Variants in PRKCA observed in about 807,000 individuals in gnomAD.
The protein encoded by PRKCA is protein kinase C alpha type.
A neutral mutation model predicts 87.0 loss-of-function variants in PRKCA; 27 were observed. The ratio of observed to expected loss-of-function variants is 0.31; its 90% CI spans 0.23 to 0.43. The LOEUF (loss-of-function observed/expected upper bound fraction) is 0.43. Ranked by LOEUF, PRKCA falls within the 20% of genes least tolerant of loss-of-function variation. PRKCA has a pLI of 1.00. For synonymous variants in PRKCA, 329 were observed against 311.1 expected (o/e 1.06, Z -0.61); for missense variants, 518 against 852.3 (o/e 0.61, Z 4.88).
At chr17:66,410,996 T>C (rs1911763903) in intron 2 of PRKCA, among the ~76,000 whole-genome samples, 1 of 152,178 alleles carries the variant, frequency 6.6e-6, no homozygotes, top group Non-Finnish European at 1.5e-5. Context: ...AGAGCCTGAG[T>C]GAGCTGATCT....
At chr17:66,691,635 A>G (rs1167735851) in intron 8 of PRKCA, among the ~76,000 whole-genome samples, 1 of 152,104 alleles carries the variant, frequency 6.6e-6, no homozygotes, top group Non-Finnish European at 1.5e-5. Flanking sequence ...CCTTCTAGAG[A>G]GAGTTTCAGG....
chr17:66,419,318 G>T (rs1912356524), intron 2 of PRKCA, among the ~76,000 whole-genome samples: 1 of 152,056 alleles, frequency 6.6e-6, no homozygotes, highest in African/African-American at 2.4e-5. Flanking sequence ...AAAAGAATGG[G>T]TTTGAAAAAC....
At chr17:66,481,601 C>T (rs1299859544) in intron 2 of PRKCA, among the ~76,000 whole-genome samples, 3 of 152,158 alleles carry the variant, frequency 2.0e-5, no homozygotes, top group East Asian at 1.9e-4. Context: ...ACCCCTCCAG[C>T]ACTATGAGCA....
intron 3 of PRKCA, among the ~76,000 whole-genome samples, chr17:66,514,332 C>T (rs1366538834): frequency 6.6e-6 from 1 of 152,104 alleles, no homozygotes; most frequent in African/African-American, 2.4e-5. Context: ...GCACTGTCAC[C>T]TCCCAGAATG....
chr17:66,628,174 T>C (rs996724011), intron 3 of PRKCA, among the ~76,000 whole-genome samples: 2 of 152,142 alleles, frequency 1.3e-5, no homozygotes, highest in African/African-American at 4.8e-5. Flanking sequence ...CCTCTGCCTC[T>C]CGGTGGATAG....
At chr17:66,700,868 A>G (rs1363661686) in intron 8 of PRKCA, among the ~76,000 whole-genome samples, 1 of 152,212 alleles carries the variant, frequency 6.6e-6, no homozygotes, top group African/African-American at 2.4e-5. Context: ...TGTTTGTACT[A>G]CCCAAAGTGA....
chr17:66,676,802 G>A (rs1248720341), intron 5 of PRKCA: 3 of 152,198 alleles, frequency 2.0e-5, no homozygotes, highest in Non-Finnish European at 4.4e-5. Flanking sequence ...GGTTTCTGAA[G>A]GTTCTGTTAA....
At chr17:66,633,067 T>A (rs1290921902) in intron 3 of PRKCA, among the ~76,000 whole-genome samples, 1 of 152,102 alleles carries the variant, frequency 6.6e-6, no homozygotes, top group Non-Finnish European at 1.5e-5. Context: ...AAAGGAAACA[T>A]CCAACAAGAT....
At chr17:66,721,964 A>G (rs1451928869) in intron 8 of PRKCA, among the ~76,000 whole-genome samples, 2 of 152,138 alleles carry the variant, frequency 1.3e-5, no homozygotes, top group African/African-American at 4.8e-5. Context: ...AGTACTTCAG[A>G]GGCTGCCCAG....
At chr17:66,759,029 T>G (rs1974619334) in intron 13 of PRKCA, among the ~76,000 whole-genome samples, 1 of 152,152 alleles carries the variant, frequency 6.6e-6, no homozygotes, top group Non-Finnish European at 1.5e-5. Flanking sequence ...ATAGCTACTT[T>G]CACTATGCAT....
Position 66,788,966 on chromosome 17 carries a change from T to C in PRKCA, c.1841T>C (p.Phe614Ser). Reference sequence around the variant, plus strand: ...GAGAACAGGGAGATCCAGCCACCATTCAAGCCCAAAGTGGTGAGTCCAGAA... The same window carrying C: ...GAGAACAGGGAGATCCAGCCACCATCCAAGCCCAAAGTGGTGAGTCCAGAA... ...KLENREIQPP[F>S]KPKVCGKGAE... The change falls in exon 16 of 17, where the codon TTC (phenylalanine) becomes TCC (serine). Residue 614 changes from phenylalanine (F) to serine (S), a missense_variant. Phe to Ser is a radical substitution (Grantham distance 155, BLOSUM62 -2). Transcript: ENST00000413366. The C allele has an allele frequency of 6.2e-7, 1 of 1,614,076 alleles. No individual in the cohort carries two copies. The highest frequency in any genetic ancestry group is 8.5e-7 in the Non-Finnish European group (1 of 1,179,998).
intron 14 of PRKCA, chr17:66,775,279 A>G (rs1173269631): frequency 2.0e-6 from 2 of 985,040 alleles, no homozygotes; most frequent in Admixed American, 6.1e-5. Flanking sequence ...CGTCAGCCCT[A>G]CTACCTTTTA....
intron 5 of PRKCA, among the ~76,000 whole-genome samples, chr17:66,663,080 C>T (rs1971951068): frequency 6.6e-6 from 1 of 152,194 alleles, no homozygotes; most frequent in South Asian, 2.1e-4. Context: ...GCCTCCTAAT[C>T]AGGAATTATG....
intron 2 of PRKCA, among the ~76,000 whole-genome samples, chr17:66,333,999 C>G (rs1038596513): frequency 3.3e-5 from 5 of 152,116 alleles, no homozygotes; most frequent in Non-Finnish European, 7.4e-5. Context: ...GCCTGTAATC[C>G]CAGCACTTTG....
rs776913579 is a variant in PRKCA, at chr17:66,641,341, T to G, written c.289-14T>G. ...TCATGACTAAAATGAGCATTGTGCT[T>G]CTTCTCCTCCCAGGACCCCAGGAGC... On this transcript the variant is annotated splice_polypyrimidine_tract_variant and intron_variant, in intron 3 of 16. Coordinates refer to ENST00000413366, the MANE Select transcript of PRKCA (RefSeq NM_002737.3). The G allele has an allele frequency of 1.6e-5, 26 of 1,598,932 alleles. No homozygotes were observed. The highest frequency in any genetic ancestry group is 4.5e-5 in the East Asian group (2 of 44,724).
chr17:66,469,245 A>G (rs1451779196), intron 2 of PRKCA, among the ~76,000 whole-genome samples: 1 of 152,198 alleles, frequency 6.6e-6, no homozygotes, highest in Non-Finnish European at 1.5e-5. Flanking sequence ...GTGCCCTGCT[A>G]TCATTTTGCA....
At chr17:66,417,204 CT>C (rs537292524) in intron 2 of PRKCA, among the ~76,000 whole-genome samples, 369 of 143,926 alleles carry the variant, frequency 2.6e-3, no homozygotes, top group Middle Eastern at 3.7e-3. Flanking sequence ...CCAGCCTGGC[CT>C]TTTTTTTTTT....
intron 2 of PRKCA, among the ~76,000 whole-genome samples, chr17:66,452,198 C>T (rs1266558132): frequency 6.6e-6 from 1 of 152,234 alleles, no homozygotes; most frequent in Admixed American, 6.5e-5. Flanking sequence ...GAACTGTCTG[C>T]ACCTCTGTTC....
At chr17:66,795,237 G>A (rs1975639666) in intron 16 of PRKCA, among the ~76,000 whole-genome samples, 1 of 152,124 alleles carries the variant, frequency 6.6e-6, no homozygotes. Flanking sequence ...GAGGGTCCCT[G>A]GCATGGCTGT....
Sources: gnomAD v4.1 joint callset for allele counts (sites outside exome capture counted in the v4.1 genomes callset) on GRCh38, gnomAD v4.1.1 for gene constraint, MANE v1.5 for transcripts, NCBI Gene and HGNC (gene_info 2026-07-23, HGNC 2026-07-21) for gene names.